The following MAST2 variants were observed in gnomAD, a reference collection of about 807,000 sequenced individuals.
MAST2 encodes microtubule-associated serine/threonine-protein kinase 2.
Under a neutral mutation model 147.4 loss-of-function variants are expected in MAST2, and 70 were observed. The observed-to-expected ratio is 0.47, with a 90% CI of 0.39 to 0.58. MAST2 has a LOEUF of 0.58. MAST2 is among the 20% of genes least tolerant of loss of function. MAST2 has a pLI of 0.00. For synonymous variants in MAST2, 869 were observed against 896.8 expected (o/e 0.97, Z 0.55); for missense variants, 2,080 against 2,302.3 (o/e 0.90, Z 1.98).
chr1:45,896,937 T>G (rs1248442405), intron 4 of MAST2, among the ~76,000 whole-genome samples: 3 of 152,224 alleles, frequency 2.0e-5, no homozygotes, highest in Non-Finnish European at 4.4e-5. Flanking sequence ...AGGATTGGCC[T>G]TGGTAAACAC....
intron 4 of MAST2, chr1:45,917,310 G>GT (rs762286145): frequency 1.7e-5 from 23 of 1,337,892 alleles, no homozygotes; most frequent in Non-Finnish European, 2.3e-5. Context: ...CACTGACCTT[G>GT]TTTTTTTCCT....
At chr1:45,867,769 G>C (rs527825769) in intron 3 of MAST2, among the ~76,000 whole-genome samples, 2 of 152,124 alleles carry the variant, frequency 1.3e-5, no homozygotes, top group African/African-American at 4.8e-5. Flanking sequence ...GGCCAGGCTA[G>C]ATGTATAGGT....
intron 5 of MAST2, among the ~76,000 whole-genome samples, chr1:45,994,720 A>G (rs570776386): frequency 6.6e-6 from 1 of 152,322 alleles, no homozygotes; most frequent in East Asian, 1.9e-4. Flanking sequence ...CACTTGGGAA[A>G]TTCCAAGGAT....
rs74871099 is a variant in MAST2 at position 45,990,020 on chromosome 1, C to T, written c.593-7704C>T. On this transcript the variant is annotated intron_variant, in intron 5 of 28. Coordinates refer to ENST00000361297, the MANE Select transcript of MAST2 (RefSeq NM_015112.3). ...GGTTGCTTCCAGTTTTGGGCGATCA[C>T]GAATAAACTTGCTATACACATTCAT... Among the ~76,000 whole-genome samples the T allele has an allele frequency of 4.0e-3, 610 of 152,276 alleles. 2 individuals are homozygous for T. Among genetic ancestry groups the T allele is most frequent in the Admixed American group, 6.9e-3 (105 of 15,294 alleles).
At chr1:45,932,524 C>T (rs1557926494) in intron 4 of MAST2, among the ~76,000 whole-genome samples, 1 of 151,912 alleles carries the variant, frequency 6.6e-6, no homozygotes, top group African/African-American at 2.4e-5. Context: ...AAATGCAAAA[C>T]TAGCCAGGCG....
At chr1:45,830,503 G>C (rs757307258) in intron 3 of MAST2, among the ~76,000 whole-genome samples, 3 of 152,118 alleles carry the variant, frequency 2.0e-5, no homozygotes, top group African/African-American at 4.8e-5. Flanking sequence ...GCCCTCTCAT[G>C]CTGTCAGTGT....
At chr1:45,974,537 C>G (rs1234573894) in intron 5 of MAST2, among the ~76,000 whole-genome samples, 1 of 152,106 alleles carries the variant, frequency 6.6e-6, no homozygotes, top group Non-Finnish European at 1.5e-5. Context: ...TTCGAGGCTG[C>G]AGTGAGCTGT....
At chr1:45,978,771 A>G (rs1379748916) in intron 5 of MAST2, among the ~76,000 whole-genome samples, 2 of 152,242 alleles carry the variant, frequency 1.3e-5, no homozygotes, top group Non-Finnish European at 2.9e-5. Flanking sequence ...TGAAATGTCC[A>G]GGATACACAA....
At chr1:45,986,293 T>C (rs1644612246) in intron 5 of MAST2, among the ~76,000 whole-genome samples, 1 of 152,228 alleles carries the variant, frequency 6.6e-6, no homozygotes, top group Non-Finnish European at 1.5e-5. Context: ...ATTATATGTT[T>C]TTTTCTTGAT....
At chr1:45,904,471 G>A (rs1650318912) in intron 4 of MAST2, among the ~76,000 whole-genome samples, 4 of 147,660 alleles carry the variant, frequency 2.7e-5, no homozygotes. Context: ...ACCGTGTCCG[G>A]CCTTAAATTT....
chr1:46,029,744 C>T, intron 19 of MAST2, 87 bp from the exon 20 acceptor site: 1 of 1,523,660 alleles, frequency 6.6e-7, no homozygotes, highest in Non-Finnish European at 9.0e-7. Flanking sequence ...GGTATAGCTT[C>T]TGAAGGTCTG....
In MAST2 at chr1:45,939,980, G is replaced by GTTTTTTTTTT. The variant is rs1174123217; in HGVS notation, c.501-19394_501-19385dup. On this transcript the variant is annotated intron_variant, in intron 4 of 28. Coordinates refer to ENST00000361297, the MANE Select transcript of MAST2 (RefSeq NM_015112.3). ...AACGGAAGTTCTCTATTTATTTAGG[G>GTTTTTTTTTT]TTTTTTTTTTTTTTTTTTTTTGAGA... Among the ~76,000 whole-genome samples the GTTTTTTTTTT allele has an allele frequency of 4.2e-3, 409 of 97,240 alleles. 21 individuals carry two copies. Among genetic ancestry groups the GTTTTTTTTTT allele is most frequent in the East Asian group, 8.0e-3 (22 of 2,738 alleles). 63.8% of individuals were successfully genotyped at this position (97,240 alleles called of 152,430 possible).
At chr1:45,890,119 A>G (rs932036628) in intron 4 of MAST2, among the ~76,000 whole-genome samples, 2 of 152,090 alleles carry the variant, frequency 1.3e-5, no homozygotes, top group Non-Finnish European at 2.9e-5. Flanking sequence ...TCACTTCCTT[A>G]TGAAAGGCGT....
At chr1:45,948,824 G>C (rs530476439) in intron 4 of MAST2, among the ~76,000 whole-genome samples, 76 of 151,120 alleles carry the variant, frequency 5.0e-4, no homozygotes, top group African/African-American at 1.7e-3. Context: ...CAGGGCTACA[G>C]TAATTAAAAC....
chr1:45,903,379 C>A (rs1160819734), intron 4 of MAST2, among the ~76,000 whole-genome samples: 1 of 152,148 alleles, frequency 6.6e-6, no homozygotes, highest in Non-Finnish European at 1.5e-5. Context: ...ATCCTCCCGC[C>A]TTGGCCTCCC....
chr1:45,875,906 A>G (rs1646585659), intron 3 of MAST2, among the ~76,000 whole-genome samples: 2 of 152,132 alleles, frequency 1.3e-5, no homozygotes, highest in Non-Finnish European at 1.5e-5. Flanking sequence ...ATTGTAAAAT[A>G]TATAGAGAAA....
intron 4 of MAST2, among the ~76,000 whole-genome samples, chr1:45,893,768 T>G (rs990387106): frequency 6.6e-6 from 1 of 152,174 alleles, no homozygotes; most frequent in Non-Finnish European, 1.5e-5. Flanking sequence ...ATTTTACCCA[T>G]ACAACTTTAA....
intron 4 of MAST2, among the ~76,000 whole-genome samples, chr1:45,901,892 G>A (rs1649826772): frequency 2.6e-5 from 4 of 152,230 alleles, no homozygotes; most frequent in Non-Finnish European, 4.4e-5. Context: ...AATGTTTAGG[G>A]TTTTCTAGGT....
intron 4 of MAST2, among the ~76,000 whole-genome samples, chr1:45,907,019 A>G (rs566124845): frequency 1.3e-5 from 2 of 152,332 alleles, no homozygotes; most frequent in East Asian, 1.9e-4. Flanking sequence ...GAAGCAGTCT[A>G]TAGGCTATAC....
Sources: allele counts gnomAD v4.1 joint callset (sites outside exome capture counted in the v4.1 genomes callset), GRCh38; gene constraint gnomAD v4.1.1; transcripts MANE v1.5; gene names NCBI Gene and HGNC (gene_info 2026-07-23, HGNC 2026-07-21).